The following SUCLG2 variants were observed in gnomAD, a reference collection of about 807,000 sequenced individuals.
The protein encoded by SUCLG2 is succinate-CoA ligase GDP-forming subunit beta.
A neutral mutation model predicts 47.9 loss-of-function variants in SUCLG2; 42 were observed. The observed-to-expected ratio is 0.88, with a 90% CI of 0.69 to 1.14. The LOEUF is 1.14. Ranked by LOEUF, SUCLG2 falls within the 50% of genes most tolerant of loss-of-function variation. The pLI, the probability that SUCLG2 is intolerant of heterozygous loss-of-function variation, is 0.00. For missense variants in SUCLG2, 571 were observed against 525.9 expected, an observed-to-expected ratio of 1.09 and a Z score of -0.84; for synonymous variants, 195 against 197.3, an observed-to-expected ratio of 0.99 and a Z score of 0.10.
rs146744977 is a variant in SUCLG2, at chr3:67,534,972, T to C, written c.227-5786A>G. Among the ~76,000 whole-genome samples, 672 of 152,098 alleles carry C rather than the reference T, an allele frequency of 4.4e-3. 8 individuals carry two copies. The East Asian group carries it at 0.053, about 12-fold the overall frequency. Reference sequence around the variant, plus strand: ...AAAGAACAAACTTCCAGAAGAAATCTCTACTGATTAATTACAGGACAAAGC... The same window carrying C: ...AAAGAACAAACTTCCAGAAGAAATCCCTACTGATTAATTACAGGACAAAGC... On this transcript the variant is annotated intron_variant, in intron 2 of 10. Coordinates refer to ENST00000307227, the MANE Select transcript of SUCLG2 (RefSeq NM_003848.4).
rs551338448 is a variant in SUCLG2 at position 67,502,339 on chromosome 3, A to C, written c.758-4044T>G. ...AGTGCTTTCCTATCTTACTATCTAC[A>C]ATGTTGTGCCATCTAAATGATTTTC... On this transcript the variant is annotated intron_variant, in intron 7 of 10. Coordinates refer to ENST00000307227, the MANE Select transcript of SUCLG2 (RefSeq NM_003848.4). 1.4e-4 allele frequency among the ~76,000 whole-genome samples: 21 copies of C among 152,332 alleles called. No homozygotes were observed. The South Asian group carries it at 4.4e-3, about 32-fold the overall frequency.
intron 1 of SUCLG2, among the ~76,000 whole-genome samples, chr3:67,632,709 T>C (rs888030757): frequency 1.3e-5 from 2 of 152,044 alleles, no homozygotes; most frequent in Non-Finnish European, 2.9e-5. Flanking sequence ...ATAAGGTAGG[T>C]AAAGGGTGAT....
chr3:67,571,421 C>G (rs567354007), intron 2 of SUCLG2, among the ~76,000 whole-genome samples: 10 of 152,242 alleles, frequency 6.6e-5, no homozygotes, highest in African/African-American at 2.2e-4. Context: ...AGGTCTGAGA[C>G]AACAACTCTT....
intron 9 of SUCLG2, among the ~76,000 whole-genome samples, chr3:67,426,949 T>C (rs1703317298): frequency 6.6e-6 from 1 of 151,890 alleles, no homozygotes; most frequent in African/African-American, 2.4e-5. Context: ...GCAAAATCCA[T>C]CCATTTGACC....
chr3:67,569,361 G>T (rs1426050882), intron 2 of SUCLG2, among the ~76,000 whole-genome samples: 2 of 152,156 alleles, frequency 1.3e-5, no homozygotes, highest in African/African-American at 4.8e-5. Flanking sequence ...GATCAAGTAG[G>T]ATTCAATATT....
chr3:67,599,380 C>T (rs1444297718), intron 2 of SUCLG2, among the ~76,000 whole-genome samples: 2 of 152,158 alleles, frequency 1.3e-5, no homozygotes, highest in African/African-American at 2.4e-5. Flanking sequence ...ATTGTGACTG[C>T]GTCATGCACA....
chr3:67,654,552 A>C lies in SUCLG2; in HGVS notation c.35T>G (p.Leu12Arg). ...GGGCCGCAGCGCTAGGGCTCGCAGA[A>C]GCTTCCCGGCCTGCGCTGCTACGGG... is the stretch of plus-strand genomic sequence containing the variant. ...ASPVAAQAGK[L>R]LRALALRPRF... is the part of the protein sequence containing the mutation. Residue 12 changes from leucine to arginine, a missense_variant, in exon 1 of 11, where the codon CTT (leucine) becomes CGT (arginine). Transcript: ENST00000307227. 1 of 1,271,106 alleles carries C rather than the reference A, an allele frequency of 7.9e-7. No individual in the cohort carries two copies. Among genetic ancestry groups the C allele is most frequent in the Non-Finnish European group, 9.9e-7 (1 of 1,005,968 alleles). The allele number at this position is 1,271,106 out of a possible 1,614,324, so 78.7% of individuals were successfully genotyped here. A position where few individuals can be genotyped will look rare whatever the true frequency, so the allele number is the denominator to read the frequency against.
At chr3:67,488,437 C>T (rs1225431203) in intron 9 of SUCLG2, among the ~76,000 whole-genome samples, 1 of 152,174 alleles carries the variant, frequency 6.6e-6, no homozygotes, top group East Asian at 1.9e-4. Flanking sequence ...CACATCCCAC[C>T]AGACTACATC....
intron 2 of SUCLG2, among the ~76,000 whole-genome samples, chr3:67,592,715 C>T (rs1426846329): frequency 1.4e-5 from 1 of 72,928 alleles, no homozygotes; most frequent in Non-Finnish European, 2.6e-5. Context: ...CTCTCACATC[C>T]TCCAAAAAAA....
At chr3:67,620,044 C>T (rs1700706125) in intron 1 of SUCLG2, among the ~76,000 whole-genome samples, 1 of 152,168 alleles carries the variant, frequency 6.6e-6, no homozygotes, top group East Asian at 1.9e-4. Context: ...TAAACATATA[C>T]TGGCATTTAA....
intron 4 of SUCLG2, among the ~76,000 whole-genome samples, chr3:67,527,465 G>T (rs1479659012): frequency 6.6e-6 from 1 of 152,186 alleles, no homozygotes; most frequent in Non-Finnish European, 1.5e-5. Flanking sequence ...TAGTTCTAGT[G>T]TCTGGATACA....
chr3:67,508,405 G>A (rs927891622), intron 7 of SUCLG2, among the ~76,000 whole-genome samples: 15 of 152,192 alleles, frequency 9.9e-5, no homozygotes, highest in Admixed American at 3.3e-4. Context: ...AGAGGTGAAC[G>A]AATGTTTCTT....
At chr3:67,566,800 C>T (rs1707463200) in intron 2 of SUCLG2, among the ~76,000 whole-genome samples, 2 of 152,152 alleles carry the variant, frequency 1.3e-5, no homozygotes, top group Non-Finnish European at 2.9e-5. Flanking sequence ...TTACCTAGGA[C>T]ATTAAAGATT....
At chr3:67,516,395 A>G (rs1469971966) in intron 6 of SUCLG2, among the ~76,000 whole-genome samples, 1 of 152,172 alleles carries the variant, frequency 6.6e-6, no homozygotes, top group South Asian at 2.1e-4. Flanking sequence ...ATTTTCTCGT[A>G]TAATATGTAG....
chr3:67,481,665 G>A (rs1160592019), intron 9 of SUCLG2, among the ~76,000 whole-genome samples: 1 of 152,180 alleles, frequency 6.6e-6, no homozygotes, highest in African/African-American at 2.4e-5. Context: ...GTGACCTTAA[G>A]TATAATATTG....
chr3:67,511,379 C>A (rs1705784215), intron 6 of SUCLG2, among the ~76,000 whole-genome samples: 1 of 152,138 alleles, frequency 6.6e-6, no homozygotes, highest in Non-Finnish European at 1.5e-5. Context: ...TGTAATAATT[C>A]CCACGTGTTG....
chr3:67,501,118 T>C (rs1423221866), intron 7 of SUCLG2, among the ~76,000 whole-genome samples: 1 of 152,124 alleles, frequency 6.6e-6, no homozygotes, highest in Non-Finnish European at 1.5e-5. Context: ...CTGTGCCGAC[T>C]GTTAATTTGT....
At chr3:67,639,355 C>A (rs906208718) in intron 1 of SUCLG2, among the ~76,000 whole-genome samples, 3 of 152,016 alleles carry the variant, frequency 2.0e-5, no homozygotes, top group African/African-American at 7.3e-5. Flanking sequence ...AGGTATTACC[C>A]TAGATGAGGC....
intron 9 of SUCLG2, among the ~76,000 whole-genome samples, chr3:67,451,344 T>C (rs1216189629): frequency 6.6e-6 from 1 of 152,234 alleles, no homozygotes; most frequent in Non-Finnish European, 1.5e-5. Context: ...AAGGTCAAAA[T>C]GTACATTTGA....
Sources: allele counts gnomAD v4.1 joint callset (sites outside exome capture counted in the v4.1 genomes callset), GRCh38; gene constraint gnomAD v4.1.1; transcripts MANE v1.5; gene names NCBI Gene and HGNC (gene_info 2026-07-23, HGNC 2026-07-21).